Variants in RAPGEF5 observed in about 807,000 individuals in gnomAD.
RAPGEF5 encodes the protein Rap guanine nucleotide exchange factor 5, also known as M-Ras-regulated GEF.
In RAPGEF5, 65 loss-of-function variants were observed where a neutral mutation model predicts 125.2. That is an observed-to-expected ratio of 0.52 (90% CI 0.43 to 0.64). The LOEUF is 0.64. Among genes scored for constraint, RAPGEF5 ranks in the 30% least tolerant of loss-of-function variants. The probability of loss-of-function intolerance (pLI) is 0.00; values close to 1 mark genes in which losing one functional copy is unlikely to be tolerated. For synonymous variants in RAPGEF5, 391 were observed against 385.9 expected (o/e 1.01, Z -0.16); for missense variants, 958 against 1,048.1 (o/e 0.91, Z 1.19).
At chr7:22,290,445 T>G (rs1782902934) in intron 6 of RAPGEF5, among the ~76,000 whole-genome samples, 1 of 152,180 alleles carries the variant, frequency 6.6e-6, no homozygotes, top group Admixed American at 6.5e-5. Context: ...AATCAATAGC[T>G]TTAAAAACCA....
chr7:22,324,880 T>G (rs757704069), intron 1 of RAPGEF5, among the ~76,000 whole-genome samples: 11 of 152,184 alleles, frequency 7.2e-5, no homozygotes, highest in Non-Finnish European at 7.3e-5. Context: ...TCTCCCTGAG[T>G]GCTCACAGTG....
chr7:22,338,254 C>T (rs1314590797), intron 1 of RAPGEF5, among the ~76,000 whole-genome samples: 1 of 152,172 alleles, frequency 6.6e-6, no homozygotes, highest in African/African-American at 2.4e-5. Context: ...AAGTCAGACA[C>T]CAACCTTACC....
intron 8 of RAPGEF5, among the ~76,000 whole-genome samples, chr7:22,223,288 G>A (rs1009768170): frequency 2.6e-5 from 4 of 152,160 alleles, no homozygotes; most frequent in Admixed American, 6.5e-5. Context: ...AAACTCTATC[G>A]AATGTTGCTG....
intron 9 of RAPGEF5, among the ~76,000 whole-genome samples, chr7:22,206,192 G>A (rs1431978301): frequency 6.6e-6 from 1 of 152,118 alleles, no homozygotes; most frequent in African/African-American, 2.4e-5. Context: ...TAGATGAGAA[G>A]ACTGAAGCTC....
chr7:22,154,959 T>C (rs1489136081), intron 16 of RAPGEF5, among the ~76,000 whole-genome samples: 2 of 152,244 alleles, frequency 1.3e-5, no homozygotes, highest in Non-Finnish European at 2.9e-5. Flanking sequence ...ACAGACTGTA[T>C]TTTTAAATCC....
At chr7:22,315,562 T>C (rs1226831349) in intron 2 of RAPGEF5, 86 bp from the exon 3 acceptor site, 1 of 607,896 alleles carries the variant, frequency 1.6e-6, no homozygotes, top group Non-Finnish European at 2.1e-6. Flanking sequence ...TATATATATA[T>C]ATATATTTAT....
intron 1 of RAPGEF5, among the ~76,000 whole-genome samples, chr7:22,321,557 A>T (rs991047516): frequency 6.6e-6 from 1 of 152,232 alleles, no homozygotes; most frequent in Non-Finnish European, 1.5e-5. Flanking sequence ...AAATAAAGGA[A>T]AAAGACTGAA....
chr7:22,133,709 T>C (rs933386724), intron 23 of RAPGEF5, among the ~76,000 whole-genome samples: 1 of 152,130 alleles, frequency 6.6e-6, no homozygotes, highest in Non-Finnish European at 1.5e-5. Flanking sequence ...ATTCACTCCA[T>C]CTCCAAAAAT....
intron 20 of RAPGEF5, among the ~76,000 whole-genome samples, chr7:22,141,322 G>A (rs1009058564): frequency 1.2e-4 from 18 of 152,152 alleles, no homozygotes; most frequent in African/African-American, 4.3e-4. Flanking sequence ...GTCAAAAGCT[G>A]TGAAGACATT....
chr7:22,285,136 A>C (rs954635782), intron 6 of RAPGEF5, among the ~76,000 whole-genome samples: 3 of 152,142 alleles, frequency 2.0e-5, no homozygotes, highest in Admixed American at 2.0e-4. Context: ...CATGCAGCTG[A>C]CCGGGAGCCG....
At chr7:22,284,089 G>GTGTGCA (rs1554273152) in intron 6 of RAPGEF5, among the ~76,000 whole-genome samples, 5 of 93,764 alleles carry the variant, frequency 5.3e-5, no homozygotes, top group Admixed American at 4.1e-4. Context: ...GTGTGTGTGT[G>GTGTGCA]CGCGTGCATG....
rs545966365 is a variant in RAPGEF5, at chr7:22,129,668, G to A, written c.2481+1369C>T. 2.0e-5 allele frequency among the ~76,000 whole-genome samples: 3 copies of A among 152,104 alleles called. No homozygotes were observed. In the South Asian group the frequency reaches 6.2e-4, roughly 32 times the overall value. Reference sequence around the variant, plus strand: ...TTCTGGCTCTGTTGGTTTGACTGTAGCATCTAAAATAACTGAGCTCTGATT... The same window carrying A: ...TTCTGGCTCTGTTGGTTTGACTGTAACATCTAAAATAACTGAGCTCTGATT... On this transcript the variant is annotated intron_variant, in intron 24 of 25. Coordinates refer to ENST00000665637, the MANE Select transcript of RAPGEF5 (RefSeq NM_012294.5).
chr7:22,280,594 CT>C (rs1782653562), intron 6 of RAPGEF5, among the ~76,000 whole-genome samples: 1 of 152,138 alleles, frequency 6.6e-6, no homozygotes, highest in South Asian at 2.1e-4. Context: ...CCAGTCAGAA[CT>C]TATTCGAGGA....
At chr7:22,154,781 C>A (rs550235652) in intron 16 of RAPGEF5, among the ~76,000 whole-genome samples, 177 bp from the exon 17 acceptor site, 1 of 152,084 alleles carries the variant, frequency 6.6e-6, no homozygotes, top group African/African-American at 2.4e-5. Flanking sequence ...TGAGGGTATA[C>A]GTCTATAAAT....
intron 1 of RAPGEF5, among the ~76,000 whole-genome samples, chr7:22,343,097 C>T (rs751144426): frequency 3.9e-5 from 6 of 152,276 alleles, no homozygotes; most frequent in Admixed American, 1.3e-4. Context: ...ACTTACAGTC[C>T]GCATGGCTGG....
intron 25 of RAPGEF5, among the ~76,000 whole-genome samples, chr7:22,124,858 A>C (rs1306947188): frequency 6.6e-6 from 1 of 152,120 alleles, no homozygotes; most frequent in Non-Finnish European, 1.5e-5. Context: ...TAAATAAGTG[A>C]ATCTCTCTGA....
chr7:22,126,364 C>T (rs1477103789), intron 24 of RAPGEF5, among the ~76,000 whole-genome samples: 1 of 152,180 alleles, frequency 6.6e-6, no homozygotes, highest in Non-Finnish European at 1.5e-5. Context: ...ATCTCAACAT[C>T]CCCACTGCTC....
At chr7:22,343,124 C>T (rs575975844) in intron 1 of RAPGEF5, among the ~76,000 whole-genome samples, 71 of 152,230 alleles carry the variant, frequency 4.7e-4, no homozygotes, top group African/African-American at 1.5e-3. Flanking sequence ...CTCACAATCA[C>T]GGAGGAAGGT....
At chr7:22,251,277 C>T (rs1170543427) in intron 7 of RAPGEF5, among the ~76,000 whole-genome samples, 1 of 151,990 alleles carries the variant, frequency 6.6e-6, no homozygotes, top group African/African-American at 2.4e-5. Context: ...ACAATGCCAC[C>T]CCCCCAGCAA....
Sources: allele counts gnomAD v4.1 joint callset (sites outside exome capture counted in the v4.1 genomes callset), GRCh38; gene constraint gnomAD v4.1.1; transcripts MANE v1.5; gene names NCBI Gene and HGNC (gene_info 2026-07-23, HGNC 2026-07-21).